Variants in FSIP2 observed in about 807,000 individuals in gnomAD.
FSIP2 encodes the protein fibrous sheath interacting protein 2, also known as fibrous sheath-interacting protein 2.
A neutral mutation model predicts 510.5 loss-of-function variants in FSIP2; 367 were observed. The ratio of observed to expected loss-of-function variants is 0.72; its 90% CI spans 0.66 to 0.78. The LOEUF is 0.78. Ranked by LOEUF, FSIP2 falls within the 30% of genes least tolerant of loss-of-function variation. The probability of loss-of-function intolerance (pLI) is 0.00; values close to 1 mark genes in which losing one functional copy is unlikely to be tolerated. For missense variants in FSIP2, 7,594 were observed against 7,901.7 expected, an observed-to-expected ratio of 0.96 and a Z score of 1.48; for synonymous variants, 2,601 against 2,732.2, an observed-to-expected ratio of 0.95 and a Z score of 1.50.
At chr2:185,819,013 A>G (rs1261998109) in intron 19 of FSIP2, among the ~76,000 whole-genome samples, 6 of 151,900 alleles carry the variant, frequency 3.9e-5, no homozygotes, top group Non-Finnish European at 8.8e-5. Flanking sequence ...ACAGATAATA[A>G]ATTTATGCTA....
chr2:185,761,145 T>C, intron 10 of FSIP2, 42 bp downstream of exon 10: 1 of 776,020 alleles, frequency 1.3e-6, no homozygotes, highest in South Asian at 1.9e-5. Flanking sequence ...TATTTATTAA[T>C]TTATCTACTT....
At chr2:185,765,717 C>G (rs1268481681) in intron 13 of FSIP2, 1 of 151,808 alleles carries the variant, frequency 6.6e-6, no homozygotes, top group Admixed American at 6.6e-5. Context: ...GGCATTGAAT[C>G]TATAAATTAC....
At chr2:185,752,024 C>T (rs1333554261) in intron 7 of FSIP2, among the ~76,000 whole-genome samples, 1 of 150,926 alleles carries the variant, frequency 6.6e-6, no homozygotes, top group African/African-American at 2.4e-5. Context: ...ATTTTTTATG[C>T]TCTTCATTCT....
intron 14 of FSIP2, 97 bp from the exon 15 acceptor site, chr2:185,786,155 G>T (rs1692968298): frequency 2.6e-6 from 2 of 766,724 alleles, no homozygotes; most frequent in Non-Finnish European, 4.1e-6. Flanking sequence ...AAAAATCTTA[G>T]ATACAACAAA....
intron 13 of FSIP2, 118 bp from the exon 14 acceptor site, chr2:185,782,587 C>A: frequency 1.5e-6 from 1 of 680,132 alleles, no homozygotes; most frequent in Non-Finnish European, 2.6e-6. Flanking sequence ...TGGAGAGTCC[C>A]TGAAAGCCTG....
intron 13 of FSIP2, chr2:185,766,189 C>T (rs1392784073): frequency 1.3e-5 from 2 of 151,726 alleles, no homozygotes; most frequent in South Asian, 4.1e-4. Context: ...AAGACTTAAA[C>T]GTTAGACCTA....
At chr2:185,756,672 T>G (rs1159551586) in intron 9 of FSIP2, among the ~76,000 whole-genome samples, 1 of 151,392 alleles carries the variant, frequency 6.6e-6, no homozygotes, top group Non-Finnish European at 1.5e-5. Flanking sequence ...TAACATCACT[T>G]TATTATCTTT....
intron 1 of FSIP2, 161 bp from the exon 2 acceptor site, chr2:185,739,185 C>G (rs1691868663): frequency 8.9e-7 from 1 of 1,124,608 alleles, no homozygotes; most frequent in Non-Finnish European, 1.2e-6. Context: ...CGCGGGACGC[C>G]AGGAGAGCTG....
At position 185,800,081 on chromosome 2, in the gene FSIP2, G is replaced by T. The variant is rs576295398; in HGVS notation, c.10775G>T (p.Cys3592Phe). Residue 3592 changes from cysteine (C) to phenylalanine (F), a missense_variant, in exon 17 of 23, where the codon TGT (cysteine) becomes TTT (phenylalanine). Coordinates refer to ENST00000424728, the MANE Select transcript of FSIP2 (RefSeq NM_173651.4). ...GCCATACCTACAAAATACACTTACT[G>T]TCCAGGAATAGTTTCTGGTGGCTTT... The part of the protein sequence containing the change: ...MVAIPTKYTY[C>F]PGIVSGGFDD... 2 of 1,532,966 alleles carry T rather than the reference G, an allele frequency of 1.3e-6. No individual in the cohort carries two copies. The highest frequency in any genetic ancestry group is 4.9e-5 in the East Asian group (2 of 40,812). 95.0% of individuals were successfully genotyped at this position (1,532,966 alleles called of 1,614,324 possible).
chr2:185,800,289 T>TCAACAAATTGGTC lies in FSIP2; in HGVS notation c.10984_10996dup (p.Gln3666ProfsTer11). On this transcript the variant is annotated frameshift_variant, in exon 17 of 23. Coordinates refer to ENST00000424728, the MANE Select transcript of FSIP2 (RefSeq NM_173651.4). LOFTEE classifies it high-confidence loss of function. ...GCCCCAGAGACTGGCAATTTTCTACTCAACAAATTGGTCAACTTTTTCAAA... is the reference window on the plus strand; with the variant it reads ...GCCCCAGAGACTGGCAATTTTCTACTCAACAAATTGGTCCAACAAATTGGTCAACTTTTTCAAA... 1 of 1,534,150 alleles carries TCAACAAATTGGTC rather than the reference T, an allele frequency of 6.5e-7. No homozygotes were observed. Among genetic ancestry groups the TCAACAAATTGGTC allele is most frequent in the East Asian group, 2.4e-5 (1 of 40,834 alleles).
At chr2:185,771,579 A>G (rs901243718) in intron 13 of FSIP2, among the ~76,000 whole-genome samples, 13 of 152,320 alleles carry the variant, frequency 8.5e-5, no homozygotes, top group African/African-American at 2.6e-4. Context: ...GGCTGAGCAG[A>G]GGATCAGTTT....
chr2:185,785,507 A>T (rs1188450687), intron 14 of FSIP2, among the ~76,000 whole-genome samples: 1 of 152,088 alleles, frequency 6.6e-6, no homozygotes, highest in African/African-American at 2.4e-5. Flanking sequence ...GAAAGAAGAA[A>T]AGCAGCAGTA....
chr2:185,826,185 A>C (rs1436408850), intron 20 of FSIP2, among the ~76,000 whole-genome samples: 1 of 151,828 alleles, frequency 6.6e-6, no homozygotes, highest in Non-Finnish European at 1.5e-5. Context: ...GAATCACTTA[A>C]TGAGGCATTT....
rs1693776931 is a variant in FSIP2, at chr2:185,813,586, T to C, written c.19869T>C (p.Asp6623=). 2 of 1,555,144 alleles carry C rather than the reference T, an allele frequency of 1.3e-6. No homozygotes were observed. Among genetic ancestry groups the C allele is most frequent in the Non-Finnish European group, 1.7e-6 (2 of 1,154,884 alleles). The part of the protein sequence containing the change: ...RNSFQNIRKP[D]ITKVELLKDV... ...CATTTCAGAATATAAGAAAGCCTGATATTACAAAGGTGGAGCTCTTAAAAG... is the reference window on the plus strand; with the variant it reads ...CATTTCAGAATATAAGAAAGCCTGACATTACAAAGGTGGAGCTCTTAAAAG... Residue 6623 remains aspartate, a synonymous_variant, in exon 18 of 23, where the codon GAT becomes GAC. Transcript: ENST00000424728.
intron 13 of FSIP2, among the ~76,000 whole-genome samples, chr2:185,771,630 T>C (rs1692610420): frequency 6.6e-6 from 1 of 152,192 alleles, no homozygotes; most frequent in Non-Finnish European, 1.5e-5. Context: ...CTCCTAGGCC[T>C]CTGGGCCTGT....
rs1317849552 is a variant in FSIP2 at position 185,738,974 on chromosome 2, A to G, written c.80A>G (p.Asp27Gly). 2.0e-6 allele frequency: 3 copies of G among 1,533,408 alleles called. No homozygotes were observed. Among genetic ancestry groups the G allele is most frequent in the Non-Finnish European group, 2.6e-6 (3 of 1,146,556 alleles). 95.0% of individuals were successfully genotyped at this position (1,533,408 alleles called of 1,614,324 possible). A position where few individuals can be genotyped will look rare whatever the true frequency, so the allele number is the denominator to read the frequency against. The change falls in exon 1 of 23, where the codon GAC becomes GGC. Residue 27 changes from aspartate to glycine, a missense_variant. Transcript: ENST00000424728. The stretch of plus-strand genomic sequence containing the variant: ...ACGGTCGCCAGCGTCCTGGCCGCGG[A>G]CACCCAGCAGTGCAGAGACGTGAGT... ...TKTVASVLAA[D>G]TQQCRDGVHK...
intron 21 of FSIP2, among the ~76,000 whole-genome samples, chr2:185,829,587 T>A (rs1694072202): frequency 6.6e-6 from 1 of 151,982 alleles, no homozygotes. Context: ...TTTTTCTCCC[T>A]CCTTGGCCCT....
Position 185,797,126 on chromosome 2 carries a change from A to G in FSIP2, c.9990A>G (p.Ala3330=). 6.5e-7 allele frequency: 1 copy of G among 1,535,004 alleles called. No homozygotes were observed. Among genetic ancestry groups the G allele is most frequent in the Non-Finnish European group, 8.7e-7 (1 of 1,146,194 alleles). ...CCCCTCTCAAAATATGTTTAGCTGCAGAAAATATTGTCAATACTGTGCTAT... is the reference window on the plus strand; with the variant it reads ...CCCCTCTCAAAATATGTTTAGCTGCGGAAAATATTGTCAATACTGTGCTAT... ...TISPLKICLA[A]ENIVNTVLSS... The change falls in exon 16 of 23, where the codon GCA becomes GCG. Residue 3330 remains alanine (A), a synonymous_variant. Transcript: ENST00000424728.
intron 13 of FSIP2, chr2:185,765,625 G>A (rs1380062860): frequency 1.3e-5 from 2 of 151,872 alleles, no homozygotes; most frequent in Non-Finnish European, 2.9e-5. Context: ...TTGGTGATGC[G>A]GGCTCTTTTT....
Sources: gnomAD v4.1 joint callset for allele counts (sites outside exome capture counted in the v4.1 genomes callset) on GRCh38, gnomAD v4.1.1 for gene constraint, MANE v1.5 for transcripts, NCBI Gene and HGNC (gene_info 2026-07-23, HGNC 2026-07-21) for gene names.